BMP7: variants seen among roughly 807,000 people sequenced by gnomAD.
The protein encoded by BMP7 is osteogenic protein 1.
Under a neutral mutation model 41.2 loss-of-function variants are expected in BMP7, and 12 were observed. The ratio of observed to expected loss-of-function variants is 0.29; its 90% confidence interval spans 0.19 to 0.47. The LOEUF (loss-of-function observed/expected upper bound fraction) is 0.47, where lower values mean the gene tolerates loss of function less well. Ranked by LOEUF, BMP7 falls within the 20% of genes least tolerant of loss-of-function variation. The pLI is 0.99. For synonymous variants in BMP7, 248 were observed against 250.0 expected, an observed-to-expected ratio of 0.99 and a Z score of 0.07; for missense variants, 467 against 606.0, an observed-to-expected ratio of 0.77 and a Z score of 2.41.
intron 3 of BMP7, among the ~76,000 whole-genome samples, chr20:57,199,529 C>T (rs901277069): frequency 2.7e-4 from 41 of 152,278 alleles, no homozygotes; most frequent in Admixed American, 1.4e-3. Context: ...TATTCCTGGG[C>T]GCATCCTCTG....
At chr20:57,257,824 C>CA (rs139904463) in intron 1 of BMP7, among the ~76,000 whole-genome samples, 20,197 of 103,032 alleles carry the variant, frequency 0.2, 1,770 homozygotes, top group Non-Finnish European at 0.23. Flanking sequence ...CACAAGCCAC[C>CA]AAAAAAAAAA....
chr20:57,225,163 CCCAGGTTGGGGACATGCAA>C (rs928003213), intron 2 of BMP7, among the ~76,000 whole-genome samples: 7 of 152,158 alleles, frequency 4.6e-5, no homozygotes, highest in African/African-American at 9.7e-5. Context: ...GCTGTGCGGG[CCCAGGTTGGGGACATGCAA>C]CCAGGTTGGG....
chr20:57,176,813 G>T (rs116014901), intron 4 of BMP7, among the ~76,000 whole-genome samples: 1 of 148,416 alleles, frequency 6.7e-6, no homozygotes, highest in Non-Finnish European at 1.5e-5. Context: ...TTGAATGCAT[G>T]GCTCTTTCCT....
chr20:57,193,328 G>A (rs1197993590), intron 3 of BMP7, among the ~76,000 whole-genome samples: 2 of 152,176 alleles, frequency 1.3e-5, no homozygotes, highest in East Asian at 1.9e-4. Context: ...ATTTTTGGTT[G>A]TCGTAACTGA....
chr20:57,180,292 TC>T (rs1234953432), intron 4 of BMP7, among the ~76,000 whole-genome samples: 1 of 45,246 alleles, frequency 2.2e-5, no homozygotes, highest in Non-Finnish European at 4.4e-5. Flanking sequence ...CCACCCTCAC[TC>T]CCCTCCCCTG....
At chr20:57,229,161 G>A (rs920759867) in intron 1 of BMP7, among the ~76,000 whole-genome samples, 11 of 152,192 alleles carry the variant, frequency 7.2e-5, no homozygotes. Flanking sequence ...AGCTACCAAC[G>A]TGAGGCTGCT....
intron 1 of BMP7, among the ~76,000 whole-genome samples, chr20:57,237,548 A>G (rs2066052565): frequency 1.3e-5 from 2 of 152,196 alleles, no homozygotes; most frequent in Admixed American, 1.3e-4. Context: ...AAGATTAAGG[A>G]GCTTGAAAAA....
At chr20:57,262,949 C>T (rs1365214585) in intron 1 of BMP7, among the ~76,000 whole-genome samples, 3 of 152,206 alleles carry the variant, frequency 2.0e-5, no homozygotes, top group Non-Finnish European at 4.4e-5. Context: ...CCCTCTCCAA[C>T]CCTACTGCCA....
intron 1 of BMP7, among the ~76,000 whole-genome samples, chr20:57,242,510 T>C (rs547483549): frequency 6.6e-6 from 1 of 152,200 alleles, no homozygotes; most frequent in Non-Finnish European, 1.5e-5. Context: ...CCTATTAGAC[T>C]GTACCATGTA....
intron 4 of BMP7, among the ~76,000 whole-genome samples, chr20:57,183,125 C>T (rs1984122602): frequency 1.3e-5 from 2 of 152,092 alleles, no homozygotes; most frequent in South Asian, 4.1e-4. Context: ...GTCCCAGCTA[C>T]TCGGGAGGCT....
Position 57,214,676 on chromosome 20 carries a change from G to A in BMP7, c.612-12053C>T, listed in dbSNP as rs951938777. 8.5e-5 allele frequency among the ~76,000 whole-genome samples: 13 copies of A among 152,142 alleles called. No homozygotes were observed. The highest frequency in any genetic ancestry group is 1.5e-4 in the Non-Finnish European group (10 of 68,028). On this transcript the variant is annotated intron_variant, in intron 2 of 6. Transcript: ENST00000395863. The surrounding 1 kb of genome is among the most constrained non-coding windows in gnomAD (Gnocchi z 4.0). ...CTGTTCTTGAGCATCCCAGGGAAGC[G>A]TCCACTGATGCCCTAATGGTGCATC...
rs1276409646 is a variant in BMP7, at chr20:57,216,584, TTGAGGGCGAGGGGCTGTCTCC to T, written c.611+11624_611+11644del. On this transcript the variant is annotated intron_variant, in intron 2 of 6. Coordinates refer to ENST00000395863, the MANE Select transcript of BMP7 (RefSeq NM_001719.3). ...TCTCCTGAGGGTGAGGGGCTGTCTCTTGAGGGCGAGGGGCTGTCTCCTGAGGGTGAGGGACTGTCTCCTGAG... is the reference window on the plus strand; with the variant it reads ...TCTCCTGAGGGTGAGGGGCTGTCTCTTGAGGGTGAGGGACTGTCTCCTGAG... Among the ~76,000 whole-genome samples the T allele has an allele frequency of 1.8e-4, 22 of 124,722 alleles. 1 individual carries two copies. The East Asian group carries it at 4.5e-3, about 26-fold the overall frequency. The allele number at this position is 124,722 out of a possible 152,430, so 81.8% of individuals were successfully genotyped here. A position where few individuals can be genotyped will look rare whatever the true frequency, so the allele number is the denominator to read the frequency against.
Position 57,171,166 on chromosome 20 carries a change from C to T in BMP7, c.1147-58G>A, listed in dbSNP as rs545357375. Reference sequence around the variant, plus strand: ...AGAAGCGGTGAGTCGTTCTAACTGGCCTCCACGTTTCTATAAAGAAACATC... The same window carrying T: ...AGAAGCGGTGAGTCGTTCTAACTGGTCTCCACGTTTCTATAAAGAAACATC... On this transcript the variant is annotated intron_variant, in intron 6 of 6. Coordinates refer to ENST00000395863, the MANE Select transcript of BMP7 (RefSeq NM_001719.3). This position sits in a 1 kb window ranked among gnomAD's most constrained non-coding sequence, Gnocchi z 4.5. The T allele has an allele frequency of 6.2e-7, 1 of 1,609,684 alleles. No individual in the cohort carries two copies. Among genetic ancestry groups the T allele is most frequent in the East Asian group, 2.2e-5 (1 of 44,826 alleles).
intron 2 of BMP7, among the ~76,000 whole-genome samples, chr20:57,207,457 T>C (rs1454061300): frequency 6.6e-6 from 1 of 152,186 alleles, no homozygotes; most frequent in Non-Finnish European, 1.5e-5. Context: ...AACGATGTTG[T>C]TTTAAGCCAC....
intron 1 of BMP7, among the ~76,000 whole-genome samples, chr20:57,249,220 G>A (rs1265463353): frequency 6.6e-6 from 1 of 152,010 alleles, no homozygotes; most frequent in East Asian, 1.9e-4. Flanking sequence ...GTCCTTAAGT[G>A]TAAGTATAAC....
rs1161993944 is a variant in BMP7 at position 57,259,096 on chromosome 20, A to G, written c.418+6609T>C. Among the ~76,000 whole-genome samples, 1 of 152,232 alleles carries G rather than the reference A, an allele frequency of 6.6e-6. No homozygotes were observed. Among genetic ancestry groups the G allele is most frequent in the African/African-American group, 2.4e-5 (1 of 41,464 alleles). ...GTGCTGTCATAGTGGAAACAGACAC[A>G]TAGGTTTAGGCTGTGTCTAAAGAGA... On this transcript the variant is annotated intron_variant, in intron 1 of 6. Transcript: ENST00000395863. This position sits in a 1 kb window ranked among gnomAD's most constrained non-coding sequence, Gnocchi z 4.7.
chr20:57,238,388 T>C (rs2066055659), intron 1 of BMP7, among the ~76,000 whole-genome samples: 3 of 152,246 alleles, frequency 2.0e-5, no homozygotes, highest in Non-Finnish European at 4.4e-5. Context: ...ATTTTTGTGA[T>C]TGCGAGTAAT....
At chr20:57,172,087 C>T (rs764518078) in intron 6 of BMP7, among the ~76,000 whole-genome samples, 2 of 152,134 alleles carry the variant, frequency 1.3e-5, no homozygotes, top group Non-Finnish European at 2.9e-5. Context: ...GCACACAGGG[C>T]GATGGCACTC....
intron 4 of BMP7, among the ~76,000 whole-genome samples, chr20:57,178,306 G>A: frequency 6.6e-6 from 1 of 152,164 alleles, no homozygotes; most frequent in East Asian, 1.9e-4. Flanking sequence ...AGGAAGCTGG[G>A]GCCTGGGTCA....
Sources: allele counts gnomAD v4.1 joint callset (sites outside exome capture counted in the v4.1 genomes callset), GRCh38; gene constraint gnomAD v4.1.1; non-coding constraint Gnocchi (gnomAD v3.1); transcripts MANE v1.5; gene names NCBI Gene and HGNC (gene_info 2026-07-23, HGNC 2026-07-21).